The following DGKB variants were observed in gnomAD, a reference collection of about 807,000 sequenced individuals.
The protein encoded by DGKB is 90 kDa diacylglycerol kinase.
In DGKB, 67 loss-of-function variants were observed where a neutral mutation model predicts 114.3. That is an observed-to-expected ratio of 0.59 (90% CI 0.48 to 0.72). DGKB has a LOEUF of 0.72. Ranked by LOEUF, DGKB falls within the 30% of genes least tolerant of loss-of-function variation. DGKB has a pLI of 0.00. For synonymous variants in DGKB, 398 were observed against 323.1 expected, an observed-to-expected ratio of 1.23 and a Z score of -2.49; for missense variants, 907 against 975.2, an observed-to-expected ratio of 0.93 and a Z score of 0.93.
At chr7:14,367,829 C>G (rs1196375946) in intron 21 of DGKB, among the ~76,000 whole-genome samples, 1 of 151,846 alleles carries the variant, frequency 6.6e-6, no homozygotes, top group African/African-American at 2.4e-5. Flanking sequence ...AACTGCCAAA[C>G]ACTGTTAAAA....
intron 1 of DGKB, among the ~76,000 whole-genome samples, chr7:14,961,737 T>C (rs2115272340): frequency 6.6e-6 from 1 of 152,234 alleles, no homozygotes; most frequent in East Asian, 1.9e-4. Flanking sequence ...GGCTGGTAGA[T>C]TTTATAAAAT....
At chr7:14,408,725 G>A (rs1370324452) in intron 21 of DGKB, among the ~76,000 whole-genome samples, 3 of 152,112 alleles carry the variant, frequency 2.0e-5, no homozygotes, top group East Asian at 1.9e-4. Flanking sequence ...GCTAAAAAAT[G>A]AGTAAATACA....
intron 21 of DGKB, among the ~76,000 whole-genome samples, chr7:14,452,675 A>G (rs1210087144): frequency 3.3e-5 from 5 of 152,068 alleles, no homozygotes; most frequent in Non-Finnish European, 5.9e-5. Flanking sequence ...ATTATATAAT[A>G]AAAATCATAG....
intron 20 of DGKB, among the ~76,000 whole-genome samples, chr7:14,538,196 C>A (rs1282396268): frequency 6.7e-6 from 1 of 148,978 alleles, no homozygotes; most frequent in Non-Finnish European, 1.5e-5. Context: ...TGGGAGAAAA[C>A]ATTTGCAAAC....
intron 25 of DGKB, among the ~76,000 whole-genome samples, chr7:14,159,161 G>A (rs757462710): frequency 6.6e-6 from 1 of 151,932 alleles, no homozygotes; most frequent in African/African-American, 2.4e-5. Context: ...CTGCTGTTCT[G>A]CTCCCACTGG....
chr7:14,439,544 C>T (rs369238903), intron 21 of DGKB, among the ~76,000 whole-genome samples: 38 of 152,148 alleles, frequency 2.5e-4, no homozygotes, highest in African/African-American at 8.9e-4. Flanking sequence ...TGAATTTATG[C>T]TTTCTTTATG....
chr7:14,605,486 A>G (rs920921655), intron 17 of DGKB, among the ~76,000 whole-genome samples: 11 of 151,450 alleles, frequency 7.3e-5, no homozygotes, highest in African/African-American at 2.2e-4. Flanking sequence ...GCAAACAACC[A>G]CAATAATAAT....
intron 23 of DGKB, among the ~76,000 whole-genome samples, chr7:14,254,408 A>G (rs1795668543): frequency 6.6e-6 from 1 of 152,204 alleles, no homozygotes; most frequent in South Asian, 2.1e-4. Flanking sequence ...CATAGAATTT[A>G]TCCTCATTAA....
chr7:14,833,621 C>A (rs1846731679), intron 2 of DGKB, among the ~76,000 whole-genome samples: 1 of 152,108 alleles, frequency 6.6e-6, no homozygotes. Flanking sequence ...TAAAGACCCA[C>A]TTTTTGTGAC....
intron 20 of DGKB, among the ~76,000 whole-genome samples, chr7:14,509,736 C>T (rs1787691127): frequency 6.6e-6 from 1 of 152,240 alleles, no homozygotes; most frequent in Non-Finnish European, 1.5e-5. Flanking sequence ...CTGGACCCGC[C>T]TTTTAAAAGC....
rs150398839 is a variant in DGKB at position 14,645,809 on chromosome 7, C to T, written c.1135-15541G>A. 3.3e-5 allele frequency among the ~76,000 whole-genome samples: 5 copies of T among 151,932 alleles called. 1 individual carries two copies. The highest frequency in any genetic ancestry group is 3.9e-4 in the East Asian group (2 of 5,154). ...CAAAAACTGAGGGAATTCATCATCA[C>T]CAGACTGGATATACAAGAAATAAGG... On this transcript the variant is annotated intron_variant, in intron 13 of 25. Coordinates refer to ENST00000402815, the MANE Select transcript of DGKB (RefSeq NM_001350709.2).
chr7:14,965,980 G>A (rs1787123395), intron 1 of DGKB, among the ~76,000 whole-genome samples: 1 of 151,904 alleles, frequency 6.6e-6, no homozygotes, highest in African/African-American at 2.4e-5. Context: ...TACCCTGGTT[G>A]GAGATTTTTT....
intron 23 of DGKB, among the ~76,000 whole-genome samples, chr7:14,329,438 G>T (rs2128554388): frequency 6.6e-6 from 1 of 152,036 alleles, no homozygotes; most frequent in Non-Finnish European, 1.5e-5. Flanking sequence ...TACAATTGAA[G>T]TTTTATTCTC....
chr7:14,393,232 G>A (rs1008868423), intron 21 of DGKB, among the ~76,000 whole-genome samples: 3 of 151,444 alleles, frequency 2.0e-5, no homozygotes, highest in South Asian at 2.1e-4. Context: ...CTCGTGATCC[G>A]CCCGCCTCGG....
At chr7:14,670,328 A>G (rs1195655298) in intron 13 of DGKB, among the ~76,000 whole-genome samples, 1 of 151,266 alleles carries the variant, frequency 6.6e-6, no homozygotes, top group African/African-American at 2.4e-5. Flanking sequence ...TTTGAGACAG[A>G]GTCTCACTCT....
intron 2 of DGKB, among the ~76,000 whole-genome samples, chr7:14,832,004 A>G (rs879631937): frequency 2.0e-5 from 3 of 152,094 alleles, no homozygotes; most frequent in Admixed American, 2.0e-4. Flanking sequence ...AAGATAGTAG[A>G]ACAATAACTC....
chr7:14,536,643 T>C (rs1276114723), intron 20 of DGKB, among the ~76,000 whole-genome samples: 2 of 152,142 alleles, frequency 1.3e-5, no homozygotes, highest in Admixed American at 6.6e-5. Context: ...CTCAACAAAT[T>C]AGTTATATAT....
At chr7:14,386,155 G>C (rs1216953127) in intron 21 of DGKB, among the ~76,000 whole-genome samples, 1 of 152,188 alleles carries the variant, frequency 6.6e-6, no homozygotes, top group African/African-American at 2.4e-5. Context: ...CCTTGAGCTA[G>C]TGCTGTACGC....
At chr7:14,636,668 T>C (rs919894301) in intron 13 of DGKB, among the ~76,000 whole-genome samples, 10 of 151,822 alleles carry the variant, frequency 6.6e-5, no homozygotes, top group African/African-American at 1.9e-4. Context: ...TCCATAAATA[T>C]GTCATCATCA....
Sources: allele counts gnomAD v4.1 joint callset (sites outside exome capture counted in the v4.1 genomes callset), GRCh38; gene constraint gnomAD v4.1.1; transcripts MANE v1.5; gene names NCBI Gene and HGNC (gene_info 2026-07-23, HGNC 2026-07-21).